The following KCNIP4 variants were observed in gnomAD, a reference collection of about 807,000 sequenced individuals.
KCNIP4 encodes potassium voltage-gated channel interacting protein 4, also known as Kv channel-interacting protein 4.
A neutral mutation model predicts 34.0 loss-of-function variants in KCNIP4; 12 were observed. The observed-to-expected ratio is 0.35, with a 90% CI of 0.23 to 0.57. KCNIP4 has a LOEUF of 0.57. Ranked by LOEUF, KCNIP4 falls within the 20% of genes least tolerant of loss-of-function variation. KCNIP4 has a pLI of 0.83. For missense variants in KCNIP4, 238 were observed against 311.7 expected (o/e 0.76, Z 1.78); for synonymous variants, 124 against 102.2 (o/e 1.21, Z -1.29).
intron 1 of KCNIP4, among the ~76,000 whole-genome samples, chr4:21,394,215 T>A (rs1297168068): frequency 6.6e-6 from 1 of 152,156 alleles, no homozygotes; most frequent in Non-Finnish European, 1.5e-5. Context: ...AAAGGCAATG[T>A]CTCTTTTACT....
Position 21,255,381 on chromosome 4 carries a change from C to T in KCNIP4, c.62-372672G>A, listed in dbSNP as rs1344382085. Reference sequence around the variant, plus strand: ...ATACCTATCCTTTGTATTTTTTCATCACCAGTTTTTTTCTTATCTCCCCTC... The same window carrying T: ...ATACCTATCCTTTGTATTTTTTCATTACCAGTTTTTTTCTTATCTCCCCTC... On this transcript the variant is annotated intron_variant, in intron 1 of 8. Transcript: ENST00000382152. Among the ~76,000 whole-genome samples the T allele has an allele frequency of 2.0e-5, 3 of 152,026 alleles. No homozygotes were observed. The East Asian group carries it at 5.8e-4, about 29-fold the overall frequency.
At chr4:20,841,787 T>C (rs902315957) in intron 3 of KCNIP4, among the ~76,000 whole-genome samples, 6 of 152,066 alleles carry the variant, frequency 3.9e-5, no homozygotes, top group African/African-American at 1.4e-4. Flanking sequence ...ATCTGAACTT[T>C]TAAAAACTGG....
chr4:20,802,210 TAC>T (rs776548048), intron 3 of KCNIP4, among the ~76,000 whole-genome samples: 44,865 of 140,740 alleles, frequency 0.32, 11,186 homozygotes, highest in East Asian at 0.44. Flanking sequence ...ATATATATGC[TAC>T]ATATATGCTA....
At chr4:21,673,256 G>A (rs559611666) in intron 1 of KCNIP4, among the ~76,000 whole-genome samples, 33 of 152,208 alleles carry the variant, frequency 2.2e-4, no homozygotes, top group South Asian at 8.3e-4. Flanking sequence ...GAAATTACCC[G>A]CCTACGGCCA....
At chr4:21,324,606 A>G (rs1168998803) in intron 1 of KCNIP4, among the ~76,000 whole-genome samples, 2 of 150,606 alleles carry the variant, frequency 1.3e-5, no homozygotes, top group African/African-American at 2.4e-5. Context: ...CCATTGCTCT[A>G]TCTGTCTGTT....
At chr4:21,384,999 CCATTT>C (rs1425402178) in intron 1 of KCNIP4, among the ~76,000 whole-genome samples, 2 of 152,136 alleles carry the variant, frequency 1.3e-5, no homozygotes, top group African/African-American at 4.8e-5. Context: ...TTATTGATCT[CCATTT>C]ATTTATCTTC....
rs6846857 is a variant in KCNIP4, at chr4:21,839,683, G to A, written c.61+108888C>T. Among the ~76,000 whole-genome samples, 538 of 152,306 alleles carry A rather than the reference G, an allele frequency of 3.5e-3. 3 individuals are homozygous for A. The highest frequency in any genetic ancestry group is 0.011 in the African/African-American group (456 of 41,568). On this transcript the variant is annotated intron_variant, in intron 1 of 8. Coordinates refer to ENST00000382152, the MANE Select transcript of KCNIP4 (RefSeq NM_025221.6). ...CAGGAGAATCATGTGAACCTGGGAG[G>A]TGGAGGAGGTTGGGTGAGCTGAGAT...
intron 1 of KCNIP4, among the ~76,000 whole-genome samples, chr4:21,106,230 C>G (rs1748519478): frequency 6.6e-6 from 1 of 151,408 alleles, no homozygotes; most frequent in African/African-American, 2.4e-5. Context: ...TGGTCCTGGA[C>G]TCTTTGGTTG....
intron 3 of KCNIP4, among the ~76,000 whole-genome samples, chr4:20,760,157 T>C (rs373427481): frequency 9.8e-4 from 150 of 152,324 alleles, no homozygotes; most frequent in African/African-American, 3.2e-3. Context: ...TGGTAAGTTC[T>C]GTTTAGTCTC....
intron 2 of KCNIP4, among the ~76,000 whole-genome samples, chr4:20,877,789 G>A (rs1724221215): frequency 6.6e-6 from 1 of 152,044 alleles, no homozygotes; most frequent in African/African-American, 2.4e-5. Flanking sequence ...CAGACAGTAA[G>A]CGTATCTGTA....
intron 3 of KCNIP4, among the ~76,000 whole-genome samples, chr4:20,781,644 T>C (rs1756882612): frequency 6.6e-6 from 1 of 152,160 alleles, no homozygotes. Context: ...AAGAACAGTA[T>C]GGGGAAAACC....
chr4:21,443,239 C>A (rs1373376883), intron 1 of KCNIP4, among the ~76,000 whole-genome samples: 1 of 152,174 alleles, frequency 6.6e-6, no homozygotes, highest in Non-Finnish European at 1.5e-5. Flanking sequence ...AGAGCCTCCA[C>A]TAGCTTCTCA....
intron 1 of KCNIP4, among the ~76,000 whole-genome samples, chr4:20,911,991 G>A (rs1560564668): frequency 2.0e-5 from 3 of 152,254 alleles, no homozygotes; most frequent in South Asian, 4.1e-4. Context: ...TGCTTCCTCA[G>A]TACAACTATG....
intron 1 of KCNIP4, among the ~76,000 whole-genome samples, chr4:21,259,205 G>A (rs1761289914): frequency 6.6e-6 from 1 of 152,126 alleles, no homozygotes; most frequent in Non-Finnish European, 1.5e-5. Context: ...TTTATGGTAT[G>A]AACTACTTTC....
At chr4:21,722,429 A>T (rs1714882605) in intron 1 of KCNIP4, among the ~76,000 whole-genome samples, 1 of 152,148 alleles carries the variant, frequency 6.6e-6, no homozygotes, top group Non-Finnish European at 1.5e-5. Flanking sequence ...GGTAGGAGAG[A>T]AAACAAGGAA....
intron 1 of KCNIP4, among the ~76,000 whole-genome samples, chr4:21,104,876 G>C (rs549969335): frequency 7.3e-4 from 111 of 151,586 alleles, no homozygotes; most frequent in Non-Finnish European, 1.2e-3. Context: ...GCTTGTTTTT[G>C]TCAGGTTTGT....
intron 1 of KCNIP4, among the ~76,000 whole-genome samples, chr4:21,447,596 T>A (rs1405533286): frequency 6.6e-6 from 1 of 152,194 alleles, no homozygotes; most frequent in Non-Finnish European, 1.5e-5. Flanking sequence ...GTTTTATTCC[T>A]ATACATACAC....
At chr4:21,422,955 A>G (rs1725610041) in intron 1 of KCNIP4, among the ~76,000 whole-genome samples, 1 of 152,198 alleles carries the variant, frequency 6.6e-6, no homozygotes, top group South Asian at 2.1e-4. Context: ...TTACTACCAT[A>G]TCTAGAACCT....
intron 1 of KCNIP4, among the ~76,000 whole-genome samples, chr4:21,099,203 G>C (rs1355778628): frequency 6.6e-6 from 1 of 152,106 alleles, no homozygotes; most frequent in Non-Finnish European, 1.5e-5. Flanking sequence ...CAATAGCAAA[G>C]ACATGAAATC....
Sources: gnomAD v4.1 joint callset for allele counts (sites outside exome capture counted in the v4.1 genomes callset) on GRCh38, gnomAD v4.1.1 for gene constraint, MANE v1.5 for transcripts, NCBI Gene and HGNC (gene_info 2026-07-23, HGNC 2026-07-21) for gene names.